HS6ST3: variants seen among roughly 807,000 people sequenced by gnomAD.
HS6ST3 encodes the protein heparan-sulfate 6-O-sulfotransferase 3.
A neutral mutation model predicts 36.7 loss-of-function variants in HS6ST3; 12 were observed. The ratio of observed to expected loss-of-function variants is 0.33; its 90% CI spans 0.21 to 0.53. HS6ST3 has a LOEUF of 0.53. Ranked by LOEUF, HS6ST3 falls within the 20% of genes least tolerant of loss-of-function variation. The probability of loss-of-function intolerance (pLI) is 0.95; values close to 1 mark genes in which losing one functional copy is unlikely to be tolerated. For synonymous variants in HS6ST3, 240 were observed against 257.5 expected, an observed-to-expected ratio of 0.93 and a Z score of 0.65; for missense variants, 584 against 640.9, an observed-to-expected ratio of 0.91 and a Z score of 0.96.
intron 1 of HS6ST3, among the ~76,000 whole-genome samples, chr13:96,489,582 G>A (rs1188298058): frequency 1.3e-5 from 2 of 151,738 alleles, no homozygotes; most frequent in South Asian, 2.1e-4. Context: ...TATTTTAATA[G>A]CACTGCTTAT....
chr13:96,187,669 T>G (rs1030214670), intron 1 of HS6ST3, among the ~76,000 whole-genome samples: 1 of 152,162 alleles, frequency 6.6e-6, no homozygotes, highest in African/African-American at 2.4e-5. Flanking sequence ...AGACTCTAAA[T>G]GTATTATTTA....
chr13:96,431,435 G>A (rs1168311613), intron 1 of HS6ST3, among the ~76,000 whole-genome samples: 1 of 152,138 alleles, frequency 6.6e-6, no homozygotes, highest in Non-Finnish European at 1.5e-5. Flanking sequence ...CACCACAGGG[G>A]TGTGGTTTTA....
chr13:96,477,586 C>T (rs757247494), intron 1 of HS6ST3, among the ~76,000 whole-genome samples: 6 of 152,000 alleles, frequency 3.9e-5, no homozygotes, highest in South Asian at 2.1e-4. Context: ...ACTGTGTTAC[C>T]GGCCGGGCAC....
rs1051330740 is a variant in HS6ST3 at position 96,756,133 on chromosome 13, C to T, written c.708-76357C>T. On this transcript the variant is annotated intron_variant, in intron 1 of 1. Transcript: ENST00000376705. ...TGTGTATATATCTTCTCTTCTTGGC[C>T]GATTGAGTATCTTCTTTTGTGACGT... 6.6e-5 allele frequency among the ~76,000 whole-genome samples: 10 copies of T among 152,170 alleles called. No homozygotes were observed. In the South Asian group the frequency reaches 1.0e-3, roughly 16 times the overall value.
intron 1 of HS6ST3, among the ~76,000 whole-genome samples, chr13:96,180,115 G>A (rs1001874436): frequency 3.3e-5 from 5 of 152,122 alleles, no homozygotes; most frequent in East Asian, 1.9e-4. Flanking sequence ...GATTACAGGC[G>A]TGACCCACCG....
chr13:96,379,093 G>A (rs1472743889), intron 1 of HS6ST3, among the ~76,000 whole-genome samples: 1 of 152,106 alleles, frequency 6.6e-6, no homozygotes, highest in Non-Finnish European at 1.5e-5. Flanking sequence ...TTTCTCCACT[G>A]ATGGTCTGCT....
rs540855113 is a variant in HS6ST3, at chr13:96,236,303, A to G, written c.707+144734A>G. Among the ~76,000 whole-genome samples, 5 of 152,262 alleles carry G rather than the reference A, an allele frequency of 3.3e-5. No homozygotes were observed. The South Asian group carries it at 1.0e-3, about 32-fold the overall frequency. The stretch of plus-strand genomic sequence containing the variant: ...ACCCGCACAGACGCACCCAGAAACA[A>G]TATCTTGCATCCTTCAATCCAATCA... On this transcript the variant is annotated intron_variant, in intron 1 of 1. Transcript: ENST00000376705.
At position 96,833,257 on chromosome 13, in the gene HS6ST3, T is replaced by G. The variant is rs563687714; in HGVS notation, c.*59T>G. On this transcript the variant is annotated 3_prime_UTR_variant, in exon 2 of 2. Transcript: ENST00000376705. ...GTGAGCAGGCACATTGACTTTCTGTTGAGGTACCTTGGAGAAGCTGAGCCA... is the reference window on the plus strand; with the variant it reads ...GTGAGCAGGCACATTGACTTTCTGTGGAGGTACCTTGGAGAAGCTGAGCCA... 7.4e-7 allele frequency: 1 copy of G among 1,351,230 alleles called. No homozygotes were observed. The highest frequency in any genetic ancestry group is 1.5e-5 in the African/African-American group (1 of 68,144). 83.7% of individuals were successfully genotyped at this position (1,351,230 alleles called of 1,614,324 possible). A position where few individuals can be genotyped will look rare whatever the true frequency, so the allele number is the denominator to read the frequency against.
At chr13:96,211,258 T>C (rs924322720) in intron 1 of HS6ST3, among the ~76,000 whole-genome samples, 2 of 152,186 alleles carry the variant, frequency 1.3e-5, no homozygotes, top group East Asian at 3.9e-4. Context: ...ATCATGGCTA[T>C]TATTTATTTA....
intron 1 of HS6ST3, among the ~76,000 whole-genome samples, chr13:96,102,242 T>C (rs933115048): frequency 6.6e-6 from 1 of 152,210 alleles, no homozygotes; most frequent in South Asian, 2.1e-4. Flanking sequence ...AAACTACTTG[T>C]GTCTAAAAAC....
chr13:96,409,756 C>T (rs1023541827), intron 1 of HS6ST3, among the ~76,000 whole-genome samples: 1 of 152,072 alleles, frequency 6.6e-6, no homozygotes, highest in Non-Finnish European at 1.5e-5. Context: ...GAATTAGACA[C>T]CAAGAAGTGA....
intron 1 of HS6ST3, among the ~76,000 whole-genome samples, chr13:96,187,827 G>A (rs1401341431): frequency 2.0e-5 from 3 of 152,112 alleles, no homozygotes; most frequent in Non-Finnish European, 2.9e-5. Flanking sequence ...GCAGCTGTCC[G>A]AGAACTTGCT....
At chr13:96,610,909 G>A (rs1031306687) in intron 1 of HS6ST3, among the ~76,000 whole-genome samples, 2 of 150,406 alleles carry the variant, frequency 1.3e-5, no homozygotes, top group African/African-American at 4.9e-5. Context: ...TTGCTTGAAA[G>A]ATATACTGGC....
chr13:96,380,906 ATGGATAAAAATGC>A (rs1195883840), intron 1 of HS6ST3, among the ~76,000 whole-genome samples: 1 of 152,226 alleles, frequency 6.6e-6, no homozygotes, highest in Non-Finnish European at 1.5e-5. Flanking sequence ...GGAAAAAGAC[ATGGATAAAAATGC>A]AATGTGCCAA....
chr13:96,676,128 G>C (rs1386005130), intron 1 of HS6ST3, among the ~76,000 whole-genome samples: 1 of 152,180 alleles, frequency 6.6e-6, no homozygotes, highest in African/African-American at 2.4e-5. Context: ...CACAGACCAG[G>C]TGGCTTAAGC....
chr13:96,108,914 G>A (rs998803074), intron 1 of HS6ST3, among the ~76,000 whole-genome samples: 1 of 151,998 alleles, frequency 6.6e-6, no homozygotes, highest in African/African-American at 2.4e-5. Context: ...AGGTCACAGG[G>A]CAGCATTCCA....
intron 1 of HS6ST3, among the ~76,000 whole-genome samples, chr13:96,765,538 G>C (rs1212489806): frequency 1.3e-5 from 2 of 151,980 alleles, no homozygotes; most frequent in Non-Finnish European, 2.9e-5. Context: ...ACTACCTTGA[G>C]TGCAGTTCTT....
intron 1 of HS6ST3, among the ~76,000 whole-genome samples, chr13:96,185,639 C>G (rs1445700488): frequency 1.3e-5 from 2 of 152,158 alleles, no homozygotes. Flanking sequence ...GCATTTTCTC[C>G]TGTTATTAAT....
intron 1 of HS6ST3, among the ~76,000 whole-genome samples, chr13:96,329,312 G>T (rs1481561839): frequency 7.1e-6 from 1 of 141,110 alleles, no homozygotes; most frequent in Non-Finnish European, 1.5e-5. Context: ...TTCTCTTGTG[G>T]GCATTTAGTG....
Sources: gnomAD v4.1 joint callset for allele counts (sites outside exome capture counted in the v4.1 genomes callset) on GRCh38, gnomAD v4.1.1 for gene constraint, MANE v1.5 for transcripts, NCBI Gene and HGNC (gene_info 2026-07-23, HGNC 2026-07-21) for gene names.